The following SV2C variants were observed in gnomAD, a reference collection of about 807,000 sequenced individuals.
SV2C encodes synaptic vesicle glycoprotein 2C, also known as solute carrier family 22 member B3.
Under a neutral mutation model 79.7 loss-of-function variants are expected in SV2C, and 49 were observed. The observed-to-expected ratio is 0.61, with a 90% CI of 0.49 to 0.78. The LOEUF (loss-of-function observed/expected upper bound fraction) is 0.78. Ranked by LOEUF, SV2C falls within the 30% of genes least tolerant of loss-of-function variation. The pLI, the probability that SV2C is intolerant of heterozygous loss-of-function variation, is 0.00. For synonymous variants in SV2C, 334 were observed against 333.2 expected, an observed-to-expected ratio of 1.00 and a Z score of -0.03; for missense variants, 833 against 912.9, an observed-to-expected ratio of 0.91 and a Z score of 1.13.
chr5:75,903,367 G>GTTT, the SV2C span, among the ~76,000 whole-genome samples: 2 of 138,932 alleles, frequency 1.4e-5, no homozygotes, highest in South Asian at 2.3e-4. Flanking sequence ...ACAAAAAGGT[G>GTTT]TTTTTTTTTT....
chr5:75,995,009 C>A, the SV2C span, among the ~76,000 whole-genome samples: 2 of 152,114 alleles, frequency 1.3e-5, no homozygotes, highest in East Asian at 3.9e-4. Context: ...GAATCAGGAG[C>A]TCCCATGTCT....
intron 3 of SV2C, among the ~76,000 whole-genome samples, chr5:76,204,735 C>G (rs1697488095): frequency 6.6e-6 from 1 of 152,210 alleles, no homozygotes. Context: ...TAACCTCCCT[C>G]TTTCATTGAA....
At chr5:75,950,100 G>A in the SV2C span, among the ~76,000 whole-genome samples, 2 of 152,064 alleles carry the variant, frequency 1.3e-5, no homozygotes, top group Non-Finnish European at 1.5e-5. Flanking sequence ...GGTTCAGCTA[G>A]AACTGAGCCC....
At chr5:76,274,735 T>G (rs915729579) in intron 4 of SV2C, among the ~76,000 whole-genome samples, 5 of 151,282 alleles carry the variant, frequency 3.3e-5, no homozygotes, top group Admixed American at 1.3e-4. Flanking sequence ...AAATCTCTGC[T>G]GGTATTAGCA....
intron 3 of SV2C, among the ~76,000 whole-genome samples, chr5:76,204,734 T>C (rs1449226484): frequency 6.6e-6 from 1 of 152,222 alleles, no homozygotes; most frequent in Admixed American, 6.5e-5. Flanking sequence ...ATAACCTCCC[T>C]CTTTCATTGA....
At chr5:75,853,502 G>A in the SV2C span, among the ~76,000 whole-genome samples, 3 of 141,490 alleles carry the variant, frequency 2.1e-5, no homozygotes, top group Non-Finnish European at 4.5e-5. Flanking sequence ...CTTGCAGTGA[G>A]CACAGATCGC....
At chr5:76,032,985 C>T in the SV2C span, among the ~76,000 whole-genome samples, 1 of 152,186 alleles carries the variant, frequency 6.6e-6, no homozygotes, top group South Asian at 2.1e-4. Context: ...ATTTGCATTT[C>T]TCTGATGGCC....
Position 76,329,287 on chromosome 5 carries a change from C to A in SV2C, c.*3740C>A, listed in dbSNP as rs1285810150. 1 of 152,136 alleles carries A rather than the reference C, an allele frequency of 6.6e-6. No individual in the cohort carries two copies. The highest frequency in any genetic ancestry group is 2.4e-5 in the African/African-American group (1 of 41,430). The allele number at this position is 152,136 out of a possible 1,614,324, so 9.4% of individuals were successfully genotyped here. A position where few individuals can be genotyped will look rare whatever the true frequency, so the allele number is the denominator to read the frequency against. Reference sequence around the variant, plus strand: ...ACCATCACCCAGCCAGAAAAGGGCCCCGCCTTGCCAGATAAACGCGCTTAG... The same window carrying A: ...ACCATCACCCAGCCAGAAAAGGGCCACGCCTTGCCAGATAAACGCGCTTAG... On this transcript the variant is annotated 3_prime_UTR_variant, in exon 13 of 13. Coordinates refer to ENST00000502798, the MANE Select transcript of SV2C (RefSeq NM_014979.4).
chr5:76,304,132 G>A (rs534348874), intron 12 of SV2C, among the ~76,000 whole-genome samples: 1 of 152,192 alleles, frequency 6.6e-6, no homozygotes, highest in Admixed American at 6.5e-5. Context: ...ATAACACAAA[G>A]GTCTGCCAGG....
chr5:76,262,354 C>T (rs1441849052), intron 4 of SV2C, among the ~76,000 whole-genome samples: 3 of 151,778 alleles, frequency 2.0e-5, no homozygotes, highest in East Asian at 1.9e-4. Flanking sequence ...TGGCTAGCAG[C>T]GTATATATTT....
Position 76,139,956 on chromosome 5 carries a change from G to A in SV2C, c.580+7626G>A, listed in dbSNP as rs1820118. Among the ~76,000 whole-genome samples, 317 of 63,328 alleles carry A rather than the reference G, an allele frequency of 5.0e-3. 13 individuals are homozygous for A. In the East Asian group the frequency reaches 0.067, roughly 13 times the overall value. The allele number at this position is 63,328 out of a possible 152,430, so 41.5% of individuals were successfully genotyped here. ...GCAATCTCGGCTCACTGCAAGCTCCGTAGAAGCTCTTGAAAGTTTTTAAAA... is the reference window on the plus strand; with the variant it reads ...GCAATCTCGGCTCACTGCAAGCTCCATAGAAGCTCTTGAAAGTTTTTAAAA... On this transcript the variant is annotated intron_variant, in intron 2 of 12. Coordinates refer to ENST00000502798, the MANE Select transcript of SV2C (RefSeq NM_014979.4).
In SV2C at chr5:76,342,247, C is replaced by T. The variant is rs1260846844; in HGVS notation, c.2001-10883C>T. Among the ~76,000 whole-genome samples, 7 of 152,312 alleles carry T rather than the reference C, an allele frequency of 4.6e-5. 1 individual carries two copies. Among genetic ancestry groups the T allele is most frequent in the Admixed American group, 4.6e-4 (7 of 15,306 alleles). On this transcript the variant is annotated intron_variant, in intron 12 of 12. Transcript: ENST00000322285. ...CACAACTCGTCAAGGCTGCCTTTCC[C>T]CTGCTACCCAAGGCTTTGCCATTCA...
the SV2C span, among the ~76,000 whole-genome samples, chr5:75,932,338 G>A: frequency 1.3e-5 from 2 of 152,224 alleles, no homozygotes; most frequent in South Asian, 4.1e-4. Context: ...CTGCCACTCA[G>A]TTCATGTCTT....
At chr5:75,938,007 C>T in the SV2C span, among the ~76,000 whole-genome samples, 1 of 151,954 alleles carries the variant, frequency 6.6e-6, no homozygotes, top group Non-Finnish European at 1.5e-5. Flanking sequence ...GGAGGCAACA[C>T]AAGTATAGGT....
chr5:75,910,525 G>T, the SV2C span: 1 of 632,030 alleles, frequency 1.6e-6, no homozygotes. Context: ...AGTTGTTGGG[G>T]CTTTGTTCAA....
At chr5:75,863,950 G>A in the SV2C span, among the ~76,000 whole-genome samples, 3,470 of 152,166 alleles carry the variant, frequency 0.023, 78 homozygotes, top group African/African-American at 0.063. Context: ...AGGCATATTC[G>A]ACTTTCTGCT....
chr5:76,112,088 C>G (rs548190479), intron 1 of SV2C, among the ~76,000 whole-genome samples: 1 of 152,362 alleles, frequency 6.6e-6, no homozygotes, highest in East Asian at 1.9e-4. Flanking sequence ...ATCAGGCATT[C>G]TGCTAGGTAT....
the SV2C span, among the ~76,000 whole-genome samples, chr5:76,032,697 G>A: frequency 0.018 from 2,671 of 152,182 alleles, 81 homozygotes; most frequent in African/African-American, 0.054. Flanking sequence ...GAATAATGCC[G>A]CAATAAACAT....
rs373959365 is a variant in SV2C, at chr5:76,302,965, A to G, written c.2000+1420A>G. Among the ~76,000 whole-genome samples the G allele has an allele frequency of 1.1e-4, 16 of 152,168 alleles. No individual in the cohort carries two copies. In the East Asian group the frequency reaches 1.7e-3, roughly 16 times the overall value. On this transcript the variant is annotated intron_variant, in intron 12 of 12. Transcript: ENST00000502798. ...GATCTTGAGTGCTTCCTCTGGGCTCATTCCCTTTTTTTATTGACCCCAAAG... is the reference window on the plus strand; with the variant it reads ...GATCTTGAGTGCTTCCTCTGGGCTCGTTCCCTTTTTTTATTGACCCCAAAG...
Sources: allele counts gnomAD v4.1 joint callset (sites outside exome capture counted in the v4.1 genomes callset), GRCh38; gene constraint gnomAD v4.1.1; transcripts MANE v1.5; gene names NCBI Gene and HGNC (gene_info 2026-07-23, HGNC 2026-07-21).